Variants in ESRRG observed in about 807,000 individuals in gnomAD.
The protein encoded by ESRRG is estrogen related receptor gamma.
In ESRRG, 13 loss-of-function variants were observed where a neutral mutation model predicts 44.0. The ratio of observed to expected loss-of-function variants is 0.30; its 90% CI spans 0.19 to 0.47. The LOEUF (loss-of-function observed/expected upper bound fraction) is 0.47, where lower values mean the gene tolerates loss of function less well. Ranked by LOEUF, ESRRG falls within the 20% of genes least tolerant of loss-of-function variation. The pLI is 1.00. For synonymous variants in ESRRG, 215 were observed against 214.6 expected (o/e 1.00, Z -0.02); for missense variants, 395 against 580.6 (o/e 0.68, Z 3.29).
chr1:216,571,701 C>T (rs1323274453), intron 3 of ESRRG, among the ~76,000 whole-genome samples: 1 of 152,040 alleles, frequency 6.6e-6, no homozygotes, highest in Admixed American at 6.6e-5. Flanking sequence ...TTCATTTATC[C>T]TAGCTATACA....
intron 1 of ESRRG, among the ~76,000 whole-genome samples, chr1:216,947,697 G>A (rs2066275453): frequency 3.3e-5 from 5 of 152,068 alleles, no homozygotes; most frequent in Admixed American, 3.3e-4. Flanking sequence ...TTCCTTCTTA[G>A]CAAATAAAAA....
rs114880912 is a variant in ESRRG at position 217,133,823 on chromosome 1, A to G, written c.-230+3844T>C. ...GATCAACAGCTAAGATAAACCCTCAACCAAAGAGCTGAGCGCATTTACAGT... is the reference window on the plus strand; with the variant it reads ...GATCAACAGCTAAGATAAACCCTCAGCCAAAGAGCTGAGCGCATTTACAGT... On this transcript the variant is annotated intron_variant, in intron 1 of 8. Transcript: ENST00000366940. 6.2e-3 allele frequency among the ~76,000 whole-genome samples: 942 copies of G among 151,956 alleles called. 10 individuals are homozygous for G. The highest frequency in any genetic ancestry group is 0.022 in the African/African-American group (901 of 41,406).
intron 2 of ESRRG, among the ~76,000 whole-genome samples, chr1:216,799,149 A>C (rs192003771): frequency 3.7e-4 from 56 of 152,270 alleles, no homozygotes; most frequent in African/African-American, 1.3e-3. Context: ...ACTTTATCTT[A>C]CTTAACCTAT....
chr1:216,583,665 C>A (rs1186510434), intron 3 of ESRRG, among the ~76,000 whole-genome samples: 1 of 152,146 alleles, frequency 6.6e-6, no homozygotes, highest in Non-Finnish European at 1.5e-5. Context: ...AACTGGGCCA[C>A]CAAAGCAGCC....
At chr1:216,775,697 G>A (rs1267478409) in intron 2 of ESRRG, among the ~76,000 whole-genome samples, 1 of 150,630 alleles carries the variant, frequency 6.6e-6, no homozygotes, top group Non-Finnish European at 1.5e-5. Context: ...GACTATAGGT[G>A]TGCACCACCA....
Position 216,584,628 on chromosome 1 carries a change from C to T in ESRRG, c.590-16530G>A, listed in dbSNP as rs188790246. ...CTCTTCTGAGCATTCCTTGCATAGC[C>T]ACTACTCAAATTATTCCAGATTTTA... On this transcript the variant is annotated intron_variant, in intron 3 of 6. Coordinates refer to ENST00000408911, the MANE Select transcript of ESRRG (RefSeq NM_001438.4). 1.2e-4 allele frequency among the ~76,000 whole-genome samples: 18 copies of T among 152,250 alleles called. No individual in the cohort carries two copies. The East Asian group carries it at 1.4e-3, about 11-fold the overall frequency.
At chr1:216,925,315 C>T (rs1441068203) in intron 2 of ESRRG, among the ~76,000 whole-genome samples, 1 of 151,988 alleles carries the variant, frequency 6.6e-6, no homozygotes, top group East Asian at 1.9e-4. Context: ...TGTGCACCTG[C>T]AGTCCCAGCT....
chr1:216,609,060 A>G lies in ESRRG; in HGVS notation c.590-40962T>C, dbSNP rs2060283365. Reference sequence around the variant, plus strand: ...ACTCTACAATCTCCAATGAAAACTAACACTTGGTAATGAATCTGTCAAAAA... The same window carrying G: ...ACTCTACAATCTCCAATGAAAACTAGCACTTGGTAATGAATCTGTCAAAAA... On this transcript the variant is annotated intron_variant, in intron 3 of 6. Transcript: ENST00000408911. Among the ~76,000 whole-genome samples, 2 of 152,198 alleles carry G rather than the reference A, an allele frequency of 1.3e-5. 1 individual carries two copies. Among genetic ancestry groups the G allele is most frequent in the South Asian group, 4.1e-4 (2 of 4,824 alleles).
At chr1:216,575,469 G>C (rs944602793) in intron 3 of ESRRG, among the ~76,000 whole-genome samples, 2 of 151,960 alleles carry the variant, frequency 1.3e-5, no homozygotes, top group Admixed American at 6.6e-5. Context: ...AAGTATCTTG[G>C]GATAAAACAA....
intron 3 of ESRRG, among the ~76,000 whole-genome samples, chr1:216,618,024 T>C (rs889961266): frequency 2.6e-5 from 4 of 152,206 alleles, no homozygotes; most frequent in Non-Finnish European, 4.4e-5. Flanking sequence ...TAGAGTAACA[T>C]ACAAATTATA....
intron 1 of ESRRG, among the ~76,000 whole-genome samples, chr1:216,957,577 A>G (rs1222258780): frequency 1.3e-5 from 2 of 152,020 alleles, no homozygotes; most frequent in Non-Finnish European, 2.9e-5. Flanking sequence ...CATGCAATCC[A>G]TTTGACTTTT....
intron 5 of ESRRG, among the ~76,000 whole-genome samples, chr1:216,554,183 A>G (rs2057018184): frequency 6.6e-6 from 1 of 152,038 alleles, no homozygotes; most frequent in Admixed American, 6.6e-5. Context: ...GGCTGAGCGC[A>G]GTAGCTCAGC....
intron 2 of ESRRG, among the ~76,000 whole-genome samples, chr1:216,921,273 G>A (rs1241740851): frequency 6.6e-6 from 1 of 152,064 alleles, no homozygotes; most frequent in Non-Finnish European, 1.5e-5. Flanking sequence ...CCTCTTAGTC[G>A]CATGGTGACT....
chr1:216,603,238 A>T (rs1024681403), intron 3 of ESRRG, among the ~76,000 whole-genome samples: 3 of 152,186 alleles, frequency 2.0e-5, no homozygotes, highest in Non-Finnish European at 2.9e-5. Flanking sequence ...TATTTTTTTA[A>T]CAATAAACTC....
At chr1:216,546,889 G>T (rs2054673903) in intron 5 of ESRRG, among the ~76,000 whole-genome samples, 1 of 151,660 alleles carries the variant, frequency 6.6e-6, no homozygotes, top group East Asian at 2.0e-4. Context: ...ATGTGCCATG[G>T]TGGTTTGCTG....
intron 1 of ESRRG, among the ~76,000 whole-genome samples, chr1:217,067,317 A>G (rs1046076535): frequency 4.6e-5 from 7 of 152,228 alleles, no homozygotes; most frequent in Non-Finnish European, 4.4e-5. Context: ...AAATAATCCA[A>G]TGGAGGGAAA....
intron 2 of ESRRG, among the ~76,000 whole-genome samples, chr1:216,840,229 C>T (rs912362562): frequency 9.9e-5 from 15 of 151,320 alleles, no homozygotes; most frequent in African/African-American, 3.4e-4. Context: ...GAAATGAGCA[C>T]CTGCTGCTTC....
At chr1:217,051,206 G>GA (rs1553259225) in intron 1 of ESRRG, among the ~76,000 whole-genome samples, 2 of 110,340 alleles carry the variant, frequency 1.8e-5, no homozygotes, top group African/African-American at 2.9e-5. Context: ...AATGGGGGCG[G>GA]GGGGGGGGGG....
rs536027441 is a variant in ESRRG at position 216,983,538 on chromosome 1, G to A, written c.-105-43865C>T. On this transcript the variant is annotated intron_variant, in intron 1 of 7. Transcript: ENST00000359162. ...TGATGTACTGATTTTTTTGGTGAGG[G>A]AGTTCCATGACACATCTTCAAAGAC... Among the ~76,000 whole-genome samples the A allele has an allele frequency of 5.9e-5, 9 of 152,192 alleles. No homozygotes were observed. In the South Asian group the frequency reaches 1.9e-3, roughly 32 times the overall value.
Sources: allele counts gnomAD v4.1 joint callset (sites outside exome capture counted in the v4.1 genomes callset), GRCh38; gene constraint gnomAD v4.1.1; transcripts MANE v1.5; gene names NCBI Gene and HGNC (gene_info 2026-07-23, HGNC 2026-07-21).